The following PCDHA7 variants were observed in gnomAD, a reference collection of about 807,000 sequenced individuals.
The protein encoded by PCDHA7 is protocadherin alpha 7, also known as protocadherin alpha-7.
In PCDHA7, 37 loss-of-function variants were observed where a neutral mutation model predicts 57.2. The observed-to-expected ratio is 0.65, with a 90% CI of 0.50 to 0.85. The LOEUF is 0.85. Ranked by LOEUF, PCDHA7 falls within the 40% of genes least tolerant of loss-of-function variation. The probability of loss-of-function intolerance (pLI) is 0.00; values close to 1 mark genes in which losing one functional copy is unlikely to be tolerated. For synonymous variants in PCDHA7, 553 were observed against 558.8 expected (o/e 0.99, Z 0.15); for missense variants, 1,188 against 1,241.8 (o/e 0.96, Z 0.65).
At chr5:140,876,308 A>T in intron 1 of PCDHA7, 1 of 1,614,070 alleles carries the variant, frequency 6.2e-7, no homozygotes, top group South Asian at 1.1e-5. Context: ...GAAATTTCCT[A>T]TGGGATCAAA....
chr5:140,903,955 A>G (rs536986744), intron 1 of PCDHA7, among the ~76,000 whole-genome samples: 1 of 152,308 alleles, frequency 6.6e-6, no homozygotes, highest in Non-Finnish European at 1.5e-5. Context: ...CTGGAAAATT[A>G]TTTGTTGATT....
chr5:140,999,176 T>A (rs546665453), intron 3 of PCDHA7, among the ~76,000 whole-genome samples: 1 of 152,274 alleles, frequency 6.6e-6, no homozygotes, highest in African/African-American at 2.4e-5. Context: ...AAGAGCCTGA[T>A]GGGGAGAGGG....
chr5:140,867,911 T>C (rs2050196676), intron 1 of PCDHA7: 1 of 152,134 alleles, frequency 6.6e-6, no homozygotes. Context: ...GAAGGTATAA[T>C]TAAAAATCAC....
At chr5:140,922,980 A>G (rs2081098580) in intron 1 of PCDHA7, among the ~76,000 whole-genome samples, 1 of 152,244 alleles carries the variant, frequency 6.6e-6, no homozygotes, top group African/African-American at 2.4e-5. Flanking sequence ...TATCTCAGAC[A>G]ATAGGCAAGC....
chr5:140,883,557 G>C, intron 1 of PCDHA7: 1 of 1,614,214 alleles, frequency 6.2e-7, no homozygotes, highest in Non-Finnish European at 8.5e-7. Flanking sequence ...GCGCGGGACG[G>C]GGGCTCGCCT....
chr5:140,955,677 G>A (rs989922322), intron 1 of PCDHA7, among the ~76,000 whole-genome samples: 6 of 151,960 alleles, frequency 3.9e-5, no homozygotes, highest in African/African-American at 1.2e-4. Context: ...TAGTTTTTTC[G>A]AAATCTGTGA....
intron 1 of PCDHA7, chr5:140,966,610 C>A: frequency 1.4e-6 from 1 of 715,490 alleles, no homozygotes; most frequent in Non-Finnish European, 2.1e-6. Context: ...CTTGGGAGGG[C>A]CTACGGAGGG....
At position 141,010,207 on chromosome 5, in the gene PCDHA7, A is replaced by C; in HGVS notation, c.*270A>C. The C allele has an allele frequency of 6.4e-7, 1 of 1,551,870 alleles. No homozygotes were observed. ...CCAAGTTTCCTTTCTCCTCCGCCGC[A>C]AAGGAGAGGCTTCCCAGCCCCGCCA... On this transcript the variant is annotated 3_prime_UTR_variant, in exon 4 of 4. Transcript: ENST00000525929.
chr5:140,871,695 T>C (rs1250599377), intron 1 of PCDHA7: 7 of 974,792 alleles, frequency 7.2e-6, no homozygotes, highest in Non-Finnish European at 8.8e-6. Flanking sequence ...CTGGCTTCTT[T>C]AACCAATAAA....
chr5:140,980,963 A>T (rs1047334103), intron 2 of PCDHA7, among the ~76,000 whole-genome samples: 8 of 152,224 alleles, frequency 5.3e-5, no homozygotes, highest in African/African-American at 1.9e-4. Context: ...TTACACCTTC[A>T]TGAATCTGAC....
chr5:140,874,929 G>A lies in PCDHA7; in HGVS notation c.2355+38191G>A, dbSNP rs1554167415. Among the ~76,000 whole-genome samples, 6 of 152,304 alleles carry A rather than the reference G, an allele frequency of 3.9e-5. 1 individual carries two copies. On this transcript the variant is annotated intron_variant, in intron 1 of 3. Transcript: ENST00000525929. ...GATGGAGTGCTTGTGAAGGTTAAAA[G>A]TTATTGAAACAGCGGAATTGTAAGC...
At chr5:140,928,178 G>C (rs2085023372) in intron 1 of PCDHA7, 1 of 1,614,074 alleles carries the variant, frequency 6.2e-7, no homozygotes, top group African/African-American at 1.3e-5. Flanking sequence ...AGCACCCGAA[G>C]GACAATCACT....
Position 140,982,348 on chromosome 5 carries a change from T to C in PCDHA7, c.2415-127T>C, listed in dbSNP as rs1253085859. 9 of 1,495,962 alleles carry C rather than the reference T, an allele frequency of 6.0e-6. No homozygotes were observed. The Admixed American group carries it at 1.7e-4, about 28-fold the overall frequency. 92.7% of individuals were successfully genotyped at this position (1,495,962 alleles called of 1,614,324 possible). On this transcript the variant is annotated intron_variant, in intron 2 of 3. Transcript: ENST00000525929. Reference sequence around the variant, plus strand: ...ACTGCTCAGCAGTAATTGCTTCAGTTCAAGCATGAGCAGAATGTGTTAGCT... The same window carrying C: ...ACTGCTCAGCAGTAATTGCTTCAGTCCAAGCATGAGCAGAATGTGTTAGCT...
intron 3 of PCDHA7, among the ~76,000 whole-genome samples, chr5:140,989,624 G>C (rs527255277): frequency 6.6e-6 from 1 of 152,208 alleles, no homozygotes; most frequent in Non-Finnish European, 1.5e-5. Context: ...GTCTGTCCTA[G>C]TGACAGCAAG....
intron 1 of PCDHA7, chr5:140,843,117 C>T: frequency 6.3e-7 from 1 of 1,595,860 alleles, no homozygotes; most frequent in Non-Finnish European, 8.6e-7. Context: ...GCAGTGGACG[C>T]CGACTCGGGC....
chr5:140,931,546 A>G (rs1416561002), intron 1 of PCDHA7, among the ~76,000 whole-genome samples: 1 of 152,048 alleles, frequency 6.6e-6, no homozygotes, highest in Non-Finnish European at 1.5e-5. Flanking sequence ...TACTGTTCAT[A>G]TGTGCAGGAA....
chr5:140,988,528 T>C (rs1391489747), intron 3 of PCDHA7, among the ~76,000 whole-genome samples: 1 of 152,194 alleles, frequency 6.6e-6, no homozygotes, highest in African/African-American at 2.4e-5. Flanking sequence ...CTCTGCTGGC[T>C]CCATCCATTC....
intron 1 of PCDHA7, chr5:140,852,731 C>G: frequency 1.0e-6 from 1 of 983,362 alleles, no homozygotes; most frequent in Non-Finnish European, 1.2e-6. Context: ...TTTCAAGTTT[C>G]ATGTGCCATT....
rs1554178015 is a variant in PCDHA7 at position 140,883,392 on chromosome 5, C to A, written c.2355+46654C>A. 1.9e-6 allele frequency: 3 copies of A among 1,614,184 alleles called. No individual in the cohort carries two copies. The East Asian group carries it at 6.7e-5, about 36-fold the overall frequency. ...GCCATTATTGCCCTAATCAGTGTGT[C>A]CGATCGTGACTCTGGCTCAAATGGA... is the stretch of plus-strand genomic sequence containing the variant. On this transcript the variant is annotated intron_variant, in intron 1 of 3. Transcript: ENST00000525929.
Sources: allele counts gnomAD v4.1 joint callset (sites outside exome capture counted in the v4.1 genomes callset), GRCh38; gene constraint gnomAD v4.1.1; transcripts MANE v1.5; gene names NCBI Gene and HGNC (gene_info 2026-07-23, HGNC 2026-07-21).